Variants in SMARCAL1 observed in about 807,000 individuals in gnomAD.
The protein encoded by SMARCAL1 is SNF2 related chromatin remodeling annealing helicase 1.
Under a neutral mutation model 94.5 loss-of-function variants are expected in SMARCAL1, and 58 were observed. That is an observed-to-expected ratio of 0.61 (90% CI 0.50 to 0.76). The LOEUF (loss-of-function observed/expected upper bound fraction) is 0.76. Among genes scored for constraint, SMARCAL1 ranks in the 30% least tolerant of loss-of-function variants. SMARCAL1 has a pLI of 0.00. For missense variants in SMARCAL1, 1,051 were observed against 1,177.9 expected, an observed-to-expected ratio of 0.89 and a Z score of 1.58; for synonymous variants, 422 against 455.1, an observed-to-expected ratio of 0.93 and a Z score of 0.93.
At position 216,482,718 on chromosome 2, in the gene SMARCAL1, G is replaced by T; in HGVS notation, c.2626-20G>T. 1 of 1,614,142 alleles carries T rather than the reference G, an allele frequency of 6.2e-7. No individual in the cohort carries two copies. Among genetic ancestry groups the T allele is most frequent in the Admixed American group, 1.7e-5 (1 of 60,022 alleles). ...GCCTGGGCTCTTCCTTTTATCTTTT[G>T]TTTTCTTTCTCTGATGAAGGACCCA... On this transcript the variant is annotated intron_variant, in intron 17 of 17. Transcript: ENST00000357276. The surrounding 1 kb of genome is among the most constrained non-coding windows in gnomAD (Gnocchi z 4.3).
chr2:216,477,049 C>A, intron 15 of SMARCAL1, 60 bp from the exon 16 acceptor site: 2 of 1,327,362 alleles, frequency 1.5e-6, no homozygotes, highest in African/African-American at 1.5e-5. Context: ...ACCATACCTG[C>A]TATGGTGGAT....
chr2:216,443,383 A>G (rs1364778170), intron 10 of SMARCAL1, among the ~76,000 whole-genome samples: 1 of 151,792 alleles, frequency 6.6e-6, no homozygotes, highest in East Asian at 1.9e-4. Context: ...AAAAAAAAAA[A>G]AAAGCTTGGA....
At chr2:216,419,532 C>G (rs1195538748) in intron 4 of SMARCAL1, among the ~76,000 whole-genome samples, 3 of 151,562 alleles carry the variant, frequency 2.0e-5, no homozygotes, top group Non-Finnish European at 4.4e-5. Flanking sequence ...TGTTTGTGAC[C>G]TGGTGATCCT....
chr2:216,432,856 C>G lies in SMARCAL1; in HGVS notation c.1473C>G (p.Phe491Leu). 1 of 1,614,224 alleles carries G rather than the reference C, an allele frequency of 6.2e-7. No individual in the cohort carries two copies. The highest frequency in any genetic ancestry group is 8.5e-7 in the Non-Finnish European group (1 of 1,180,044). ...TGGTGGTGCCATCCTCCGTGCGCTT[C>G]ACCTGGGAGCAGGTTAATGGTCTTC... ...LLVVVPSSVR[F>L]TWEQAFLRWL... Residue 491 changes from phenylalanine to leucine, a missense_variant, in exon 8 of 18, where the codon TTC (phenylalanine) becomes TTG (leucine). Around this residue, in one of 3 missense-constraint regions of SMARCAL1, gnomAD observed 642 missense variants for 754.7 expected, o/e 0.85. Coordinates refer to ENST00000357276, the MANE Select transcript of SMARCAL1 (RefSeq NM_014140.4).
chr2:216,477,428 T>C (rs1695109563), intron 16 of SMARCAL1, among the ~76,000 whole-genome samples: 1 of 152,194 alleles, frequency 6.6e-6, no homozygotes, highest in Non-Finnish European at 1.5e-5. Context: ...CTGAATCTTA[T>C]AGCAATAAGG....
chr2:216,438,373 C>A, intron 9 of SMARCAL1, 47 bp from the exon 10 acceptor site: 1 of 1,521,278 alleles, frequency 6.6e-7, no homozygotes, highest in South Asian at 1.1e-5. Context: ...ATATTTCTGT[C>A]CACTCAGGAT....
intron 7 of SMARCAL1, among the ~76,000 whole-genome samples, chr2:216,430,681 G>A (rs1261400036): frequency 6.6e-6 from 1 of 152,168 alleles, no homozygotes; most frequent in East Asian, 1.9e-4. Flanking sequence ...GTGAAATTCA[G>A]GGGGTCCATT....
intron 12 of SMARCAL1, among the ~76,000 whole-genome samples, chr2:216,453,946 G>A (rs1424621582): frequency 6.6e-6 from 1 of 152,150 alleles, no homozygotes; most frequent in Non-Finnish European, 1.5e-5. Context: ...CATTTTTTCA[G>A]CTGAAATAAT....
At chr2:216,431,605 C>T (rs1243444514) in intron 7 of SMARCAL1, among the ~76,000 whole-genome samples, 4 of 152,188 alleles carry the variant, frequency 2.6e-5, no homozygotes, top group Admixed American at 2.6e-4. Context: ...CCCACAGCTC[C>T]ATGAGATAGG....
chr2:216,438,518 A>T (rs756182323), intron 10 of SMARCAL1, 33 bp downstream of exon 10: 28 of 1,588,600 alleles, frequency 1.8e-5, no homozygotes, highest in Admixed American at 5.0e-5. Context: ...CCCACTGAGC[A>T]TTGGCATCCC....
At chr2:216,431,123 G>C (rs987969853) in intron 7 of SMARCAL1, among the ~76,000 whole-genome samples, 4 of 152,244 alleles carry the variant, frequency 2.6e-5, no homozygotes, top group African/African-American at 9.6e-5. Flanking sequence ...GCCACGCCAT[G>C]ATGCCTGTTG....
rs1695056661 is a variant in SMARCAL1, at chr2:216,475,551, C to T, written c.2427+100C>T. ...GGGGAAAGTGTGGTTTCCCTTTTAT[C>T]CATTCATTATACTTCCCACAAGTCA... On this transcript the variant is annotated intron_variant, in intron 15 of 17. Coordinates refer to ENST00000357276, the MANE Select transcript of SMARCAL1 (RefSeq NM_014140.4). The surrounding 1 kb of genome is among the most constrained non-coding windows in gnomAD (Gnocchi z 4.4). The T allele has an allele frequency of 2.4e-5, 29 of 1,217,200 alleles. No homozygotes were observed. The Admixed American group carries it at 5.1e-4, about 21-fold the overall frequency. The allele number at this position is 1,217,200 out of a possible 1,614,324, so 75.4% of individuals were successfully genotyped here. A position where few individuals can be genotyped will look rare whatever the true frequency, so the allele number is the denominator to read the frequency against.
At chr2:216,458,685 AAAT>A (rs1453743078) in intron 12 of SMARCAL1, among the ~76,000 whole-genome samples, 3 of 152,216 alleles carry the variant, frequency 2.0e-5, no homozygotes, top group Admixed American at 6.5e-5. Flanking sequence ...ACATATCTCA[AAAT>A]AATAAGAGCT....
In SMARCAL1 at chr2:216,462,397, G is replaced by A. The variant is rs184844797; in HGVS notation, c.2071-2200G>A. On this transcript the variant is annotated intron_variant, in intron 12 of 17. Transcript: ENST00000357276. ...GAGTGAGGTCATCACATGTAAGCCT[G>A]CCCTGCCCCTTTGGCTACTAGAAAC... Among the ~76,000 whole-genome samples the A allele has an allele frequency of 2.5e-4, 38 of 152,324 alleles. No individual in the cohort carries two copies. The East Asian group carries it at 6.6e-3, about 26-fold the overall frequency.
chr2:216,427,416 G>GTTCATCAGCCCTTTCTTAGCT (rs1281965694), intron 6 of SMARCAL1: 1 of 152,228 alleles, frequency 6.6e-6, no homozygotes, highest in African/African-American at 2.4e-5. Flanking sequence ...CTACCAGCCA[G>GTTCATCAGCCCTTTCTTAGCT]TTCATCAGCC....
chr2:216,458,312 G>A (rs1005715627), intron 12 of SMARCAL1, among the ~76,000 whole-genome samples: 6 of 152,282 alleles, frequency 3.9e-5, no homozygotes, highest in East Asian at 1.9e-4. Context: ...GAAAAAGAGG[G>A]AATCCTCCCT....
At chr2:216,440,032 A>T (rs1454889543) in intron 10 of SMARCAL1, among the ~76,000 whole-genome samples, 1 of 138,230 alleles carries the variant, frequency 7.2e-6, no homozygotes, top group South Asian at 2.3e-4. Context: ...ACAGAGTGAG[A>T]CTCTGTCTCA....
intron 14 of SMARCAL1, among the ~76,000 whole-genome samples, chr2:216,472,298 T>G (rs572982225): frequency 6.6e-6 from 1 of 152,220 alleles, no homozygotes; most frequent in South Asian, 2.1e-4. Context: ...GCGGCTGCAG[T>G]GAGCCGAGAT....
At chr2:216,458,492 G>A (rs1379817432) in intron 12 of SMARCAL1, among the ~76,000 whole-genome samples, 2 of 152,200 alleles carry the variant, frequency 1.3e-5, no homozygotes, top group African/African-American at 4.8e-5. Context: ...CCATAATCAA[G>A]TGGGCTTCAT....
Sources: allele counts gnomAD v4.1 joint callset (sites outside exome capture counted in the v4.1 genomes callset), GRCh38; gene constraint gnomAD v4.1.1; regional missense constraint gnomAD v4.1.1; non-coding constraint Gnocchi (gnomAD v3.1); transcripts MANE v1.5; gene names NCBI Gene and HGNC (gene_info 2026-07-23, HGNC 2026-07-21).